The following PLCB4 variants were observed in gnomAD, a reference collection of about 807,000 sequenced individuals.
The protein encoded by PLCB4 is 1-phosphatidylinositol 4,5-bisphosphate phosphodiesterase beta-4.
PLCB4 carries 77 observed loss-of-function variants against 178.8 expected under a neutral mutation model. That is an observed-to-expected ratio of 0.43 (90% CI 0.36 to 0.52). The LOEUF (loss-of-function observed/expected upper bound fraction) is 0.52. Among genes scored for constraint, PLCB4 ranks in the 20% least tolerant of loss-of-function variants. The probability of loss-of-function intolerance (pLI) is 0.00; values close to 1 mark genes in which losing one functional copy is unlikely to be tolerated. For synonymous variants in PLCB4, 496 were observed against 490.8 expected (o/e 1.01, Z -0.14); for missense variants, 1,024 against 1,453.4 (o/e 0.70, Z 4.80).
chr20:9,326,954 A>T (rs1039424084), intron 4 of PLCB4, among the ~76,000 whole-genome samples: 2 of 152,094 alleles, frequency 1.3e-5, no homozygotes, highest in African/African-American at 4.8e-5. Context: ...CCCTGTCAAA[A>T]TGTATTTGTA....
intron 3 of PLCB4, among the ~76,000 whole-genome samples, chr20:9,271,627 T>C (rs1299772749): frequency 6.6e-6 from 1 of 152,176 alleles, no homozygotes; most frequent in Non-Finnish European, 1.5e-5. Flanking sequence ...TGTAAAAAAA[T>C]GTTTCCGAAC....
intron 3 of PLCB4, among the ~76,000 whole-genome samples, chr20:9,266,652 T>C (rs2094352428): frequency 6.6e-6 from 1 of 152,164 alleles, no homozygotes; most frequent in South Asian, 2.1e-4. Flanking sequence ...TTTTGAAAGC[T>C]GCCATTTCAG....
At chr20:9,299,611 T>G (rs2094681225) in intron 3 of PLCB4, among the ~76,000 whole-genome samples, 1 of 152,078 alleles carries the variant, frequency 6.6e-6, no homozygotes, top group Non-Finnish European at 1.5e-5. Context: ...GAAACTCTTC[T>G]AAATTTGCTA....
intron 38 of PLCB4, among the ~76,000 whole-genome samples, chr20:9,473,891 A>G (rs989567616): frequency 7.9e-5 from 12 of 152,168 alleles, no homozygotes; most frequent in African/African-American, 2.9e-4. Flanking sequence ...TCCCTGCAAG[A>G]CAAGACACTA....
At chr20:9,184,800 A>G (rs1050449434) in intron 2 of PLCB4, among the ~76,000 whole-genome samples, 3 of 152,176 alleles carry the variant, frequency 2.0e-5, no homozygotes, top group Admixed American at 6.5e-5. Context: ...TGTACATTCA[A>G]TTTGTGTAAT....
At chr20:9,079,999 T>C (rs946430477) in intron 1 of PLCB4, among the ~76,000 whole-genome samples, 1 of 152,168 alleles carries the variant, frequency 6.6e-6, no homozygotes, top group Non-Finnish European at 1.5e-5. Flanking sequence ...ATTCCTAAGA[T>C]AGATATAATT....
intron 2 of PLCB4, among the ~76,000 whole-genome samples, chr20:9,105,287 G>C (rs968971288): frequency 2.6e-5 from 4 of 152,112 alleles, no homozygotes; most frequent in Non-Finnish European, 4.4e-5. Flanking sequence ...GAAATGTATG[G>C]TAGGAACTAA....
chr20:9,262,871 A>G, intron 3 of PLCB4, among the ~76,000 whole-genome samples: 1 of 152,188 alleles, frequency 6.6e-6, no homozygotes, highest in East Asian at 1.9e-4. Context: ...TATTGAAAGA[A>G]CACAAGGCTG....
At chr20:9,285,187 A>C (rs1315573659) in intron 3 of PLCB4, among the ~76,000 whole-genome samples, 1 of 151,810 alleles carries the variant, frequency 6.6e-6, no homozygotes. Context: ...ACAATTTAGA[A>C]ATTTTTAGCA....
intron 3 of PLCB4, among the ~76,000 whole-genome samples, chr20:9,252,378 A>G (rs937219482): frequency 3.3e-5 from 5 of 152,182 alleles, no homozygotes; most frequent in Non-Finnish European, 7.3e-5. Flanking sequence ...CAAAATTTAC[A>G]TTTTATTTTA....
At chr20:9,245,775 C>A (rs2147446875) in intron 3 of PLCB4, among the ~76,000 whole-genome samples, 1 of 151,786 alleles carries the variant, frequency 6.6e-6, no homozygotes, top group East Asian at 1.9e-4. Context: ...GCTGGGACTC[C>A]AGGCACATGC....
At chr20:9,243,086 C>A (rs1294312311) in intron 3 of PLCB4, among the ~76,000 whole-genome samples, 1 of 152,132 alleles carries the variant, frequency 6.6e-6, no homozygotes, top group Non-Finnish European at 1.5e-5. Flanking sequence ...ACTTTTAATA[C>A]TAAAACATTA....
At chr20:9,115,722 A>T (rs1325299096) in intron 2 of PLCB4, among the ~76,000 whole-genome samples, 6 of 151,840 alleles carry the variant, frequency 4.0e-5, no homozygotes, top group African/African-American at 1.5e-4. Flanking sequence ...AGTGTAATTA[A>T]TATGAATTTA....
chr20:9,172,384 T>C (rs918415809), intron 2 of PLCB4, among the ~76,000 whole-genome samples: 3 of 152,168 alleles, frequency 2.0e-5, no homozygotes, highest in Non-Finnish European at 4.4e-5. Flanking sequence ...AAGTTAAGCA[T>C]AAAACCTCAC....
intron 1 of PLCB4, among the ~76,000 whole-genome samples, chr20:9,087,312 A>T (rs1471465071): frequency 6.6e-6 from 1 of 152,202 alleles, no homozygotes; most frequent in African/African-American, 2.4e-5. Context: ...TTTATACTAT[A>T]CATAGTATAC....
At chr20:9,261,789 G>T (rs905876801) in intron 3 of PLCB4, among the ~76,000 whole-genome samples, 1 of 152,160 alleles carries the variant, frequency 6.6e-6, no homozygotes, top group African/African-American at 2.4e-5. Context: ...AGGACACATT[G>T]TTAATGAGAA....
intron 3 of PLCB4, among the ~76,000 whole-genome samples, chr20:9,260,334 A>G (rs1452632736): frequency 2.6e-5 from 4 of 152,114 alleles, no homozygotes; most frequent in African/African-American, 9.7e-5. Context: ...TAATAAACAT[A>G]GTTATTCTCT....
At chr20:9,073,974 C>T (rs1455755598) in intron 1 of PLCB4, among the ~76,000 whole-genome samples, 1 of 152,078 alleles carries the variant, frequency 6.6e-6, no homozygotes, top group African/African-American at 2.4e-5. Context: ...CCACACAAGG[C>T]GAAGACCATG....
At chr20:9,312,952 G>A (rs151116843) in intron 4 of PLCB4, among the ~76,000 whole-genome samples, 15 of 152,184 alleles carry the variant, frequency 9.9e-5, no homozygotes, top group Admixed American at 5.2e-4. Context: ...ATTAAACTTC[G>A]AAGAATCTAT....
Sources: allele counts gnomAD v4.1 joint callset (sites outside exome capture counted in the v4.1 genomes callset), GRCh38; gene constraint gnomAD v4.1.1; transcripts MANE v1.5; gene names NCBI Gene and HGNC (gene_info 2026-07-23, HGNC 2026-07-21).